The following GDF2 variants were observed in gnomAD, a reference collection of about 807,000 sequenced individuals.
GDF2 encodes the protein growth/differentiation factor 2.
In GDF2, 17 loss-of-function variants were observed where a neutral mutation model predicts 16.9. That is an observed-to-expected ratio of 1.00 (90% confidence interval 0.69 to 1.51). GDF2 has a LOEUF of 1.51. GDF2 is among the 40% of genes most tolerant of loss of function. The pLI is 0.00. For synonymous variants in GDF2, 276 were observed against 237.6 expected (o/e 1.16, Z -1.49); for missense variants, 523 against 556.3 (o/e 0.94, Z 0.60).
rs782453381 is a variant in GDF2, at chr10:47,324,954, G to T, written c.460G>T (p.Val154Phe). The change falls in exon 2 of 2, where the codon GTC becomes TTC. Residue 154 changes from valine (V) to phenylalanine (F), a missense_variant. Transcript: ENST00000581492. ...CACCAGAGCTGAGCTCCGACTCTAT[G>T]TCTCCTGTCAAAATCACGTGGACCC... ...QITRAELRLY[V>F]SCQNHVDPSH... 1.2e-6 allele frequency: 2 copies of T among 1,614,142 alleles called. No homozygotes were observed.
At position 47,322,542 on chromosome 10, in the gene GDF2, C is replaced by A. The variant is rs2061087385; in HGVS notation, c.-127C>A. ...GGCAGCGGGTGAGAGTGGGTGCTGG[C>A]CAGGACGGTTCCTTCAGAGCAAACA... On this transcript the variant is annotated 5_prime_UTR_variant, in exon 1 of 2. Transcript: ENST00000581492. The A allele has an allele frequency of 4.3e-6, 3 of 701,666 alleles. No individual in the cohort carries two copies. Among genetic ancestry groups the A allele is most frequent in the Admixed American group, 3.0e-5 (1 of 33,210 alleles). 43.5% of individuals were successfully genotyped at this position (701,666 alleles called of 1,614,324 possible).
At position 47,325,990 on chromosome 10, in the gene GDF2, C is replaced by T; in HGVS notation, c.*206C>T. On this transcript the variant is annotated 3_prime_UTR_variant, in exon 2 of 2. Transcript: ENST00000581492. Reference sequence around the variant, plus strand: ...GGCTAAGGAAATGGGGATTTGAGCACAACAGGAAAGCCTGGGAGGGTTGTT... The same window carrying T: ...GGCTAAGGAAATGGGGATTTGAGCATAACAGGAAAGCCTGGGAGGGTTGTT... The T allele has an allele frequency of 2.1e-6, 1 of 478,026 alleles. No individual in the cohort carries two copies. The highest frequency in any genetic ancestry group is 3.6e-6 in the Non-Finnish European group (1 of 274,106). 29.6% of individuals were successfully genotyped at this position (478,026 alleles called of 1,614,324 possible). A position where few individuals can be genotyped will look rare whatever the true frequency, so the allele number is the denominator to read the frequency against.
chr10:47,323,028 T>C lies in GDF2; in HGVS notation c.346+14T>C. ...TCAGCATGGAAGGTAGGGTCTCCGCTTGCACCATGCGCGCTGGGGTGGGAC... is the reference window on the plus strand; with the variant it reads ...TCAGCATGGAAGGTAGGGTCTCCGCCTGCACCATGCGCGCTGGGGTGGGAC... On this transcript the variant is annotated intron_variant, in intron 1 of 1. Transcript: ENST00000581492. The C allele has an allele frequency of 6.4e-7, 1 of 1,568,506 alleles. No individual in the cohort carries two copies. The highest frequency in any genetic ancestry group is 8.7e-7 in the Non-Finnish European group (1 of 1,147,866).
rs1202730900 is a variant in GDF2 at position 47,326,590 on chromosome 10, TAG to T, written c.*815_*816del. ...AAATAACCCCAGGCCAACTGCAGGA[TAG>T]AGAGAGAGGTCAGGACAGCAGCCCT... On this transcript the variant is annotated 3_prime_UTR_variant, in exon 2 of 2. Transcript: ENST00000581492. Among the ~76,000 whole-genome samples, 2 of 152,152 alleles carry T rather than the reference TAG, an allele frequency of 1.3e-5. No individual in the cohort carries two copies. The highest frequency in any genetic ancestry group is 2.1e-4 in the South Asian group (1 of 4,828).
rs1308028823 is a variant in GDF2 at position 47,325,461 on chromosome 10, G to T, written c.967G>T (p.Ala323Ser). Residue 323 changes from alanine to serine, a missense_variant, in exon 2 of 2, where the codon GCT (alanine) becomes TCT (serine). Transcript: ENST00000581492. ...TLARRKRSAG[A>S]GSHCQKTSLR... Reference sequence around the variant, plus strand: ...AGCCAGGCGGAAAAGGAGCGCCGGGGCTGGCAGCCACTGTCAAAAGACCTC... The same window carrying T: ...AGCCAGGCGGAAAAGGAGCGCCGGGTCTGGCAGCCACTGTCAAAAGACCTC... 1 of 1,613,812 alleles carries T rather than the reference G, an allele frequency of 6.2e-7. No homozygotes were observed. Among genetic ancestry groups the T allele is most frequent in the Admixed American group, 1.7e-5 (1 of 60,030 alleles).
At chr10:47,323,877 G>A (rs1467011854) in intron 1 of GDF2, among the ~76,000 whole-genome samples, 1 of 152,210 alleles carries the variant, frequency 6.6e-6, no homozygotes, top group East Asian at 1.9e-4. Flanking sequence ...CTCCCTTCCT[G>A]GGTCTGAGAC....
rs1286349018 is a variant in GDF2 at position 47,326,373 on chromosome 10, T to G, written c.*589T>G. On this transcript the variant is annotated 3_prime_UTR_variant, in exon 2 of 2. Transcript: ENST00000581492. Reference sequence around the variant, plus strand: ...ATCTTCCCAAGTGCCCTGCTGCAGTTTAGCAGGTCCTCTCCAGCTAAAGAG... The same window carrying G: ...ATCTTCCCAAGTGCCCTGCTGCAGTGTAGCAGGTCCTCTCCAGCTAAAGAG... 2 of 152,316 alleles carry G rather than the reference T, an allele frequency of 1.3e-5. No homozygotes were observed. Among genetic ancestry groups the G allele is most frequent in the African/African-American group, 4.8e-5 (2 of 41,448 alleles). 9.4% of individuals were successfully genotyped at this position (152,316 alleles called of 1,614,324 possible).
At position 47,326,095 on chromosome 10, in the gene GDF2, G is replaced by T; in HGVS notation, c.*311G>T. 2 of 275,502 alleles carry T rather than the reference G, an allele frequency of 7.3e-6. No individual in the cohort carries two copies. Among genetic ancestry groups the T allele is most frequent in the Non-Finnish European group, 6.8e-6 (1 of 146,128 alleles). The allele number at this position is 275,502 out of a possible 1,614,324, so 17.1% of individuals were successfully genotyped here. On this transcript the variant is annotated 3_prime_UTR_variant, in exon 2 of 2. Coordinates refer to ENST00000581492, the MANE Select transcript of GDF2 (RefSeq NM_016204.4). ...CAGAAAACAACAGCAGTGAGCCAGA[G>T]GAGCACAGGCGGGCAGGTCACTGCA...
At chr10:47,323,364 C>G (rs1297271174) in intron 1 of GDF2, among the ~76,000 whole-genome samples, 5 of 152,150 alleles carry the variant, frequency 3.3e-5, no homozygotes, top group African/African-American at 1.2e-4. Flanking sequence ...CTTCTCTTTA[C>G]TCTCCTCTTC....
intron 1 of GDF2, among the ~76,000 whole-genome samples, chr10:47,324,425 T>C (rs1356245100): frequency 6.6e-6 from 1 of 152,220 alleles, no homozygotes; most frequent in Non-Finnish European, 1.5e-5. Flanking sequence ...TCAATAGCTG[T>C]GTGCTAGTAA....
In GDF2 at chr10:47,322,619, A is replaced by G. The variant is rs1173110381; in HGVS notation, c.-50A>G. On this transcript the variant is annotated 5_prime_UTR_variant, in exon 1 of 2. Coordinates refer to ENST00000581492, the MANE Select transcript of GDF2 (RefSeq NM_016204.4). ...CCAGCTCCTCCCCGTGCCCGCTAAC[A>G]CAGCACGGCCGCCTGCAGTCTCCTC... 57 of 1,364,276 alleles carry G rather than the reference A, an allele frequency of 4.2e-5. No homozygotes were observed. Among genetic ancestry groups the G allele is most frequent in the Non-Finnish European group, 5.6e-5 (57 of 1,021,308 alleles). 84.5% of individuals were successfully genotyped at this position (1,364,276 alleles called of 1,614,324 possible).
In GDF2 at chr10:47,325,177, T is replaced by G. The variant is rs782136703; in HGVS notation, c.683T>G (p.Val228Gly). 1 of 1,613,248 alleles carries G rather than the reference T, an allele frequency of 6.2e-7. No individual in the cohort carries two copies. The highest frequency in any genetic ancestry group is 1.7e-5 in the Admixed American group (1 of 59,952). ...ACCAAGAGCAAAAATAAGCTGGAAG[T>G]GACTGTGGAGAGCCACAGGAAGGGC... ...DSTKSKNKLEVTVESHRKGCD... is the reference protein window; with the variant it reads ...DSTKSKNKLEGTVESHRKGCD... Residue 228 changes from valine to glycine, a missense_variant, in exon 2 of 2, where the codon GTG becomes GGG. Coordinates refer to ENST00000581492, the MANE Select transcript of GDF2 (RefSeq NM_016204.4).
rs548017798 is a variant in GDF2 at position 47,327,093 on chromosome 10, C to T, written c.*1309C>T. ...TGCATCCCAGCACCCCGCCTGGGCT[C>T]GGACTGTGGGACCAGACTCAGCCTC... On this transcript the variant is annotated 3_prime_UTR_variant, in exon 2 of 2. Transcript: ENST00000581492. Among the ~76,000 whole-genome samples, 9 of 152,200 alleles carry T rather than the reference C, an allele frequency of 5.9e-5. No individual in the cohort carries two copies. The highest frequency in any genetic ancestry group is 2.1e-4 in the South Asian group (1 of 4,830).
At chr10:47,323,123 T>C in intron 1 of GDF2, 109 bp downstream of exon 1, 1 of 691,312 alleles carries the variant, frequency 1.4e-6, no homozygotes, top group Non-Finnish European at 2.4e-6. Flanking sequence ...AGCTTCCATT[T>C]AAATTAGTTA....
At position 47,322,666 on chromosome 10, in the gene GDF2, A is replaced by G. The variant is rs782542179; in HGVS notation, c.-3A>G. 7.8e-5 allele frequency: 119 copies of G among 1,529,826 alleles called. No individual in the cohort carries two copies. Among genetic ancestry groups the G allele is most frequent in the Non-Finnish European group, 1.0e-4 (116 of 1,133,070 alleles). The allele number at this position is 1,529,826 out of a possible 1,614,324, so 94.8% of individuals were successfully genotyped here. ...CCTCTCTGGGTGATTGCGCGGGCCT[A>G]AGATGTGTCCTGGGGCACTGTGGGT... On this transcript the variant is annotated 5_prime_UTR_variant, in exon 1 of 2. Coordinates refer to ENST00000581492, the MANE Select transcript of GDF2 (RefSeq NM_016204.4).
chr10:47,326,729 A>T lies in GDF2; in HGVS notation c.*945A>T, dbSNP rs998156746. Among the ~76,000 whole-genome samples the T allele has an allele frequency of 5.3e-5, 8 of 152,104 alleles. No individual in the cohort carries two copies. Among genetic ancestry groups the T allele is most frequent in the Admixed American group, 2.6e-4 (4 of 15,282 alleles). The stretch of plus-strand genomic sequence containing the variant: ...ACTGTCCATAGACTGAAACCATGTG[A>T]CCATTTGAGAGGGCCGGGCACACTT... On this transcript the variant is annotated 3_prime_UTR_variant, in exon 2 of 2. Transcript: ENST00000581492.
In GDF2 at chr10:47,325,733, C is replaced by T. The variant is rs201367285; in HGVS notation, c.1239C>T (p.Thr413=). The T allele has an allele frequency of 4.4e-6, 7 of 1,574,180 alleles. No individual in the cohort carries two copies. The highest frequency in any genetic ancestry group is 1.8e-5 in the Admixed American group (1 of 56,940). Residue 413 remains threonine (T), a synonymous_variant, in exon 2 of 2, where the codon ACC becomes ACT. Transcript: ENST00000581492. ...VLYKDDMGVP[T]LKYHYEGMSV... Reference sequence around the variant, plus strand: ...ACAAGGATGACATGGGGGTGCCCACCCTCAAGTACCATTACGAGGGCATGA... The same window carrying T: ...ACAAGGATGACATGGGGGTGCCCACTCTCAAGTACCATTACGAGGGCATGA...
chr10:47,324,961 G>A lies in GDF2; in HGVS notation c.467G>A (p.Cys156Tyr), dbSNP rs2061099040. The change falls in exon 2 of 2, where the codon TGT becomes TAT. Residue 156 changes from cysteine to tyrosine, a missense_variant. By Grantham distance (194) the Cys-to-Tyr change is radical. Transcript: ENST00000581492. ...TRAELRLYVS[C>Y]QNHVDPSHDL... The stretch of plus-strand genomic sequence containing the variant: ...GCTGAGCTCCGACTCTATGTCTCCT[G>A]TCAAAATCACGTGGACCCCTCTCAT... The A allele has an allele frequency of 1.2e-6, 2 of 1,614,132 alleles. No individual in the cohort carries two copies. Among genetic ancestry groups the A allele is most frequent in the Middle Eastern group, 1.6e-4 (1 of 6,062 alleles).
At position 47,322,866 on chromosome 10, in the gene GDF2, C is replaced by T. The variant is rs2061089520; in HGVS notation, c.198C>T (p.Phe66=). Residue 66 remains phenylalanine, a synonymous_variant, in exon 1 of 2, where the codon TTC becomes TTT. Transcript: ENST00000581492. ...KMFLENVKVD[F]LRSLNLSGVP... is the part of the protein sequence containing the mutation. ...TTCTGGAGAACGTGAAGGTGGATTT[C>T]CTGCGCAGCCTTAACCTGAGTGGGG... 1 of 1,614,176 alleles carries T rather than the reference C, an allele frequency of 6.2e-7. No individual in the cohort carries two copies. The highest frequency in any genetic ancestry group is 1.6e-4 in the Middle Eastern group (1 of 6,062).
Sources: allele counts gnomAD v4.1 joint callset (sites outside exome capture counted in the v4.1 genomes callset), GRCh38; gene constraint gnomAD v4.1.1; transcripts MANE v1.5; gene names NCBI Gene and HGNC (gene_info 2026-07-23, HGNC 2026-07-21).